MINPP1: variants seen among roughly 807,000 people sequenced by gnomAD.
MINPP1 encodes the protein multiple inositol polyphosphate phosphatase 1.
MINPP1 carries 28 observed loss-of-function variants against 46.1 expected under a neutral mutation model. The observed-to-expected ratio is 0.61, with a 90% CI of 0.45 to 0.83. The LOEUF is 0.83. Among genes scored for constraint, MINPP1 ranks in the 40% least tolerant of loss-of-function variants. MINPP1 has a pLI of 0.00. For synonymous variants in MINPP1, 268 were observed against 249.1 expected, an observed-to-expected ratio of 1.08 and a Z score of -0.72; for missense variants, 603 against 610.0, an observed-to-expected ratio of 0.99 and a Z score of 0.12.
intron 4 of MINPP1, among the ~76,000 whole-genome samples, chr10:87,537,352 T>TAATGG (rs1324507744): frequency 6.6e-6 from 1 of 152,184 alleles, no homozygotes; most frequent in Non-Finnish European, 1.5e-5. Context: ...TTAACCATTC[T>TAATGG]AATGGGTGTG....
At chr10:87,522,497 A>G (rs1851516935) in intron 4 of MINPP1, among the ~76,000 whole-genome samples, 1 of 152,256 alleles carries the variant, frequency 6.6e-6, no homozygotes, top group Non-Finnish European at 1.5e-5. Flanking sequence ...GAAGGGAGTC[A>G]CACAATTTTT....
Position 87,552,179 on chromosome 10 carries a change from C to T in MINPP1, c.1165C>T (p.Pro389Ser), listed in dbSNP as rs1341127803. The change falls in exon 5 of 5, where the codon CCC (proline) becomes TCC (serine). Residue 389 changes from proline (P) to serine (S), a missense_variant. Transcript: ENST00000371996. ...SLMGYFKDKEPLTAYNYKKQM... is the reference protein window; with the variant it reads ...SLMGYFKDKESLTAYNYKKQM... Reference sequence around the variant, plus strand: ...CATGGGCTACTTCAAAGACAAGGAACCCCTAACAGCGTACAATTACAAAAA... The same window carrying T: ...CATGGGCTACTTCAAAGACAAGGAATCCCTAACAGCGTACAATTACAAAAA... The T allele has an allele frequency of 6.2e-7, 1 of 1,613,586 alleles. No individual in the cohort carries two copies. Among genetic ancestry groups the T allele is most frequent in the Non-Finnish European group, 8.5e-7 (1 of 1,179,768 alleles).
intron 4 of MINPP1, among the ~76,000 whole-genome samples, chr10:87,530,722 T>C (rs1851647262): frequency 6.6e-6 from 1 of 152,198 alleles, no homozygotes; most frequent in Non-Finnish European, 1.5e-5. Flanking sequence ...CAGTACTCTC[T>C]TCAAAGCTGT....
Position 87,508,045 on chromosome 10 carries a change from G to A in MINPP1, c.638-291G>A, listed in dbSNP as rs1282606139. ...TTTCTAAAGTTTTCCGTGCCTGACAGAAACAGTACTTATTAATGTATGATG... is the reference window on the plus strand; with the variant it reads ...TTTCTAAAGTTTTCCGTGCCTGACAAAAACAGTACTTATTAATGTATGATG... On this transcript the variant is annotated intron_variant, in intron 1 of 4. Coordinates refer to ENST00000371996, the MANE Select transcript of MINPP1 (RefSeq NM_004897.5). 20 of 1,415,284 alleles carry A rather than the reference G, an allele frequency of 1.4e-5. No homozygotes were observed. The East Asian group carries it at 4.9e-4, about 35-fold the overall frequency. The allele number at this position is 1,415,284 out of a possible 1,614,324, so 87.7% of individuals were successfully genotyped here. A position where few individuals can be genotyped will look rare whatever the true frequency, so the allele number is the denominator to read the frequency against.
chr10:87,529,781 T>A (rs1485348931), intron 4 of MINPP1, among the ~76,000 whole-genome samples: 1 of 152,228 alleles, frequency 6.6e-6, no homozygotes, highest in Non-Finnish European at 1.5e-5. Flanking sequence ...TTCTCCTGGA[T>A]AACATCCTGA....
chr10:87,527,626 C>T (rs571826906), intron 4 of MINPP1, among the ~76,000 whole-genome samples: 1 of 152,046 alleles, frequency 6.6e-6, no homozygotes, highest in East Asian at 1.9e-4. Context: ...ATGAAGCCAA[C>T]CTGATCATGG....
intron 4 of MINPP1, among the ~76,000 whole-genome samples, chr10:87,547,119 A>AT (rs1431835371): frequency 3.3e-5 from 5 of 151,964 alleles, no homozygotes; most frequent in South Asian, 2.1e-4. Context: ...AATTATTATT[A>AT]TTTTTTTTCC....
At chr10:87,514,548 G>A (rs929123859) in intron 3 of MINPP1, among the ~76,000 whole-genome samples, 4 of 152,092 alleles carry the variant, frequency 2.6e-5, no homozygotes, top group Admixed American at 1.3e-4. Context: ...TGGCGTTTTG[G>A]AAGAGTCTAG....
intron 4 of MINPP1, among the ~76,000 whole-genome samples, chr10:87,525,406 G>A (rs749735095): frequency 1.2e-4 from 19 of 152,058 alleles, no homozygotes; most frequent in Non-Finnish European, 2.6e-4. Context: ...TTTGTGACAG[G>A]CTTTTATGAT....
At chr10:87,544,447 A>G (rs1178687481) in intron 4 of MINPP1, among the ~76,000 whole-genome samples, 1 of 152,124 alleles carries the variant, frequency 6.6e-6, no homozygotes, top group African/African-American at 2.4e-5. Context: ...GCCATTGGTG[A>G]TCAACTTGAC....
Position 87,505,693 on chromosome 10 carries a change from G to A in MINPP1, c.637+141G>A. ...CCCAAGCCATCATCCCTCGGGCTAC[G>A]TCCTCCCTGTCGAGGGATATTACAG... On this transcript the variant is annotated intron_variant, in intron 1 of 4. Coordinates refer to ENST00000371996, the MANE Select transcript of MINPP1 (RefSeq NM_004897.5). The surrounding 1 kb of genome is among the most constrained non-coding windows in gnomAD (Gnocchi z 4.4). The A allele has an allele frequency of 1.3e-6, 1 of 750,028 alleles. No homozygotes were observed. The highest frequency in any genetic ancestry group is 2.1e-6 in the Non-Finnish European group (1 of 467,694). 46.5% of individuals were successfully genotyped at this position (750,028 alleles called of 1,614,324 possible). A position where few individuals can be genotyped will look rare whatever the true frequency, so the allele number is the denominator to read the frequency against.
chr10:87,541,910 C>T (rs987241079), intron 4 of MINPP1, among the ~76,000 whole-genome samples: 7 of 152,182 alleles, frequency 4.6e-5, no homozygotes, highest in African/African-American at 1.7e-4. Flanking sequence ...GGCCCTACCT[C>T]CAATGTTGGG....
chr10:87,509,483 C>T (rs945867987), intron 2 of MINPP1, among the ~76,000 whole-genome samples: 1 of 152,166 alleles, frequency 6.6e-6, no homozygotes, highest in Non-Finnish European at 1.5e-5. Context: ...ATAATTCAAA[C>T]ACGAAGATAA....
At chr10:87,540,154 G>A (rs955605527) in intron 4 of MINPP1, among the ~76,000 whole-genome samples, 1 of 152,184 alleles carries the variant, frequency 6.6e-6, no homozygotes, top group Non-Finnish European at 1.5e-5. Context: ...ACAGGCGTGA[G>A]CCACCATGCC....
intron 4 of MINPP1, among the ~76,000 whole-genome samples, chr10:87,548,550 A>G (rs952885005): frequency 6.6e-6 from 1 of 152,222 alleles, no homozygotes; most frequent in African/African-American, 2.4e-5. Context: ...GTTAAGTCAC[A>G]AAGGGTAAAA....
intron 4 of MINPP1, among the ~76,000 whole-genome samples, chr10:87,545,640 G>A (rs1244476980): frequency 1.3e-5 from 2 of 152,064 alleles, no homozygotes; most frequent in Non-Finnish European, 2.9e-5. Flanking sequence ...ACTCATTTTA[G>A]TTATATCTAG....
intron 4 of MINPP1, among the ~76,000 whole-genome samples, chr10:87,524,092 C>T (rs1229966644): frequency 6.6e-6 from 1 of 152,184 alleles, no homozygotes; most frequent in Non-Finnish European, 1.5e-5. Context: ...TGAAGCCAGA[C>T]ATTGATGTTC....
At chr10:87,510,521 T>C (rs1374327254) in intron 2 of MINPP1, among the ~76,000 whole-genome samples, 4 of 152,260 alleles carry the variant, frequency 2.6e-5, no homozygotes, top group Admixed American at 1.3e-4. Flanking sequence ...GAAGTTTTTC[T>C]TAGTTTTTAA....
At chr10:87,537,772 A>T (rs1564680932) in intron 4 of MINPP1, among the ~76,000 whole-genome samples, 1 of 150,972 alleles carries the variant, frequency 6.6e-6, no homozygotes, top group East Asian at 1.9e-4. Context: ...AGCTTTGGGA[A>T]TTTTTTTTCT....
Sources: gnomAD v4.1 joint callset for allele counts (sites outside exome capture counted in the v4.1 genomes callset) on GRCh38, gnomAD v4.1.1 for gene constraint, Gnocchi (gnomAD v3.1) non-coding constraint, MANE v1.5 for transcripts, NCBI Gene and HGNC (gene_info 2026-07-23, HGNC 2026-07-21) for gene names.